DOCK4: variants seen among roughly 807,000 people sequenced by gnomAD.
DOCK4 encodes dedicator of cytokinesis protein 4.
In DOCK4, 97 loss-of-function variants were observed where a neutral mutation model predicts 268.1. That is an observed-to-expected ratio of 0.36 (90% CI 0.31 to 0.43). The LOEUF (loss-of-function observed/expected upper bound fraction) is 0.43. Among genes scored for constraint, DOCK4 ranks in the 20% least tolerant of loss-of-function variants. The pLI is 1.00. For synonymous variants in DOCK4, 954 were observed against 887.2 expected (o/e 1.08, Z -1.34); for missense variants, 2,145 against 2,455.7 (o/e 0.87, Z 2.67).
chr7:111,746,372 C>T lies in DOCK4; in HGVS notation c.4639G>A (p.Glu1547Lys), dbSNP rs750220403. 2.5e-6 allele frequency: 4 copies of T among 1,613,044 alleles called. No individual in the cohort carries two copies. The highest frequency in any genetic ancestry group is 3.4e-6 in the Non-Finnish European group (4 of 1,179,492). The change falls in exon 44 of 53, where the codon GAG becomes AAG. Residue 1547 changes from glutamate to lysine, a missense_variant. Coordinates refer to ENST00000428084, the MANE Select transcript of DOCK4 (RefSeq NM_001363540.2). The part of the protein sequence containing the change: ...EYILSHPEDG[E>K]KIARLRELML... ...AGCTCTCTTAATCGTGCAATTTTCT[C>T]CCCATCTTCAGGGTGACTTAAGATA...
rs10244137 is a variant in DOCK4, at chr7:111,960,821, T to A, written c.702-15023A>T. On this transcript the variant is annotated intron_variant, in intron 8 of 52. Coordinates refer to ENST00000428084, the MANE Select transcript of DOCK4 (RefSeq NM_001363540.2). The stretch of plus-strand genomic sequence containing the variant: ...CTGGCTTATTTCACTTAACATAATG[T>A]CCTCCAGGTACATCCATGTTGTCCA... Among the ~76,000 whole-genome samples, 1,050 of 152,260 alleles carry A rather than the reference T, an allele frequency of 6.9e-3. 12 individuals are homozygous for A. Among genetic ancestry groups the A allele is most frequent in the African/African-American group, 0.024 (1,018 of 41,554 alleles).
rs1187086050 is a variant in DOCK4, at chr7:111,788,982, T to C, written c.3316-235A>G. ...AGCGTTTACTGCTGCCAAAGACATC[T>C]ATCTATTTGTTGATTCAAACACAAA... On this transcript the variant is annotated intron_variant, in intron 31 of 52. Transcript: ENST00000428084. 5 of 544,602 alleles carry C rather than the reference T, an allele frequency of 9.2e-6. No individual in the cohort carries two copies. The East Asian group carries it at 1.5e-4, about 16-fold the overall frequency. 33.7% of individuals were successfully genotyped at this position (544,602 alleles called of 1,614,324 possible). A position where few individuals can be genotyped will look rare whatever the true frequency, so the allele number is the denominator to read the frequency against.
chr7:112,094,087 T>C (rs1309432335), intron 1 of DOCK4, among the ~76,000 whole-genome samples: 1 of 151,954 alleles, frequency 6.6e-6, no homozygotes, highest in Non-Finnish European at 1.5e-5. Flanking sequence ...TATCAATAGG[T>C]TTTTTTCCAA....
chr7:112,035,051 A>C (rs1021465222), intron 1 of DOCK4, among the ~76,000 whole-genome samples: 12 of 152,202 alleles, frequency 7.9e-5, no homozygotes, highest in Admixed American at 7.2e-4. Flanking sequence ...GGAGATGGTC[A>C]ACCCAGACCC....
intron 15 of DOCK4, among the ~76,000 whole-genome samples, chr7:111,899,279 C>T (rs911654342): frequency 2.6e-5 from 4 of 152,204 alleles, no homozygotes; most frequent in Non-Finnish European, 4.4e-5. Flanking sequence ...AAATTCACCA[C>T]AAATCTTTTG....
chr7:111,748,826 C>T (rs1429391895), intron 42 of DOCK4, among the ~76,000 whole-genome samples: 4 of 152,022 alleles, frequency 2.6e-5, no homozygotes, highest in Non-Finnish European at 5.9e-5. Flanking sequence ...CTCCAAAATC[C>T]GTATGTCCAT....
At chr7:112,137,500 T>G (rs1377107364) in intron 1 of DOCK4, among the ~76,000 whole-genome samples, 1 of 152,214 alleles carries the variant, frequency 6.6e-6, no homozygotes, top group Non-Finnish European at 1.5e-5. Flanking sequence ...AAGACATGCT[T>G]TTTACCCATT....
At chr7:111,845,784 TTTTA>T (rs1804049526) in intron 24 of DOCK4, among the ~76,000 whole-genome samples, 1 of 152,156 alleles carries the variant, frequency 6.6e-6, no homozygotes. Flanking sequence ...GGTGATTTCT[TTTTA>T]TTTCTCTTCT....
intron 2 of DOCK4, 144 bp from the exon 3 acceptor site, chr7:112,000,678 G>A (rs1017580712): frequency 4.0e-5 from 20 of 495,480 alleles, no homozygotes; most frequent in Admixed American, 2.8e-4. Context: ...TTGGCCTTAG[G>A]CTACAAAATA....
chr7:111,844,656 T>C, intron 25 of DOCK4, 107 bp downstream of exon 25: 1 of 1,371,796 alleles, frequency 7.3e-7, no homozygotes, highest in Non-Finnish European at 9.6e-7. Context: ...TGCTGATGGG[T>C]TACTCTCCTA....
At chr7:111,901,280 G>A (rs1791120388) in intron 14 of DOCK4, among the ~76,000 whole-genome samples, 2 of 144,158 alleles carry the variant, frequency 1.4e-5, no homozygotes, top group African/African-American at 5.2e-5. Flanking sequence ...GTTGCAATGA[G>A]TGGAGATCAT....
At chr7:112,096,695 A>C (rs1349313882) in intron 1 of DOCK4, among the ~76,000 whole-genome samples, 3 of 152,200 alleles carry the variant, frequency 2.0e-5, no homozygotes, top group Non-Finnish European at 4.4e-5. Flanking sequence ...GGACAGTGTT[A>C]AATGTAAATG....
At chr7:112,200,204 AT>A (rs568234880) in intron 1 of DOCK4, among the ~76,000 whole-genome samples, 3 of 151,940 alleles carry the variant, frequency 2.0e-5, no homozygotes, top group Non-Finnish European at 2.9e-5. Flanking sequence ...AGTGACAAGT[AT>A]TTTTTTTAAC....
At chr7:111,735,358 C>T (rs866260257) in intron 50 of DOCK4, among the ~76,000 whole-genome samples, 191 bp from the exon 51 acceptor site, 21 of 152,170 alleles carry the variant, frequency 1.4e-4, no homozygotes, top group Admixed American at 4.6e-4. Context: ...TTTAACTGGG[C>T]GCTAACAAGT....
At chr7:111,767,227 CTTTTTTT>C (rs372483378) in intron 37 of DOCK4, 109 bp from the exon 38 acceptor site, 23 of 465,660 alleles carry the variant, frequency 4.9e-5, no homozygotes, top group Non-Finnish European at 7.6e-5. Context: ...ACTCCTTAAT[CTTTTTTT>C]TTTTTTTTTT....
rs1796276929 is a variant in DOCK4, at chr7:111,746,508, A to G, written c.4594-91T>C. On this transcript the variant is annotated intron_variant, in intron 43 of 52. Coordinates refer to ENST00000428084, the MANE Select transcript of DOCK4 (RefSeq NM_001363540.2). ...TTTAAAGACCTGGCATCTTTATGGA[A>G]ATGACACCATTACAAACCACATTTT... The G allele has an allele frequency of 3.0e-6, 3 of 1,015,546 alleles. No homozygotes were observed. The Admixed American group carries it at 6.2e-5, about 21-fold the overall frequency. The allele number at this position is 1,015,546 out of a possible 1,614,324, so 62.9% of individuals were successfully genotyped here. A position where few individuals can be genotyped will look rare whatever the true frequency, so the allele number is the denominator to read the frequency against.
intron 34 of DOCK4, 68 bp downstream of exon 34, chr7:111,783,789 T>C: frequency 3.0e-6 from 4 of 1,340,056 alleles, no homozygotes; most frequent in Non-Finnish European, 4.2e-6. Context: ...GTTGATTGTA[T>C]TCTATTTGAT....
intron 1 of DOCK4, among the ~76,000 whole-genome samples, chr7:112,013,032 A>G (rs1463707960): frequency 6.6e-6 from 1 of 152,154 alleles, no homozygotes; most frequent in African/African-American, 2.4e-5. Context: ...GAAGACAGAG[A>G]CCCAGCCTCC....
At chr7:112,194,218 T>C (rs775626657) in intron 1 of DOCK4, among the ~76,000 whole-genome samples, 3 of 152,248 alleles carry the variant, frequency 2.0e-5, no homozygotes, top group Non-Finnish European at 4.4e-5. Context: ...AGGTCTGTCC[T>C]GCACAAATTA....
Sources: allele counts gnomAD v4.1 joint callset (sites outside exome capture counted in the v4.1 genomes callset), GRCh38; gene constraint gnomAD v4.1.1; transcripts MANE v1.5; gene names NCBI Gene and HGNC (gene_info 2026-07-23, HGNC 2026-07-21).